Variants in ESPNL observed in about 807,000 individuals in gnomAD.
The protein encoded by ESPNL is espin like.
A neutral mutation model predicts 46.8 loss-of-function variants in ESPNL; 49 were observed. The ratio of observed to expected loss-of-function variants is 1.05; its 90% CI spans 0.83 to 1.33. ESPNL has a LOEUF of 1.33. Ranked by LOEUF, ESPNL falls within the 40% of genes most tolerant of loss-of-function variation. The pLI is 0.00. For synonymous variants in ESPNL, 664 were observed against 662.1 expected, an observed-to-expected ratio of 1.00 and a Z score of -0.04; for missense variants, 1,540 against 1,436.6, an observed-to-expected ratio of 1.07 and a Z score of -1.16.
At position 238,101,992 on chromosome 2, in the gene ESPNL, C is replaced by T. The variant is rs1238941610; in HGVS notation, c.346C>T (p.His116Tyr). The change falls in exon 2 of 9, where the codon CAC becomes TAC. Residue 116 changes from histidine to tyrosine, a missense_variant. By Grantham distance (83) the His-to-Tyr change is moderately conservative. Coordinates refer to ENST00000343063, the MANE Select transcript of ESPNL (RefSeq NM_194312.4). ...GCTGCACCTGGCCGCCCGTTTTGGA[C>T]ACCCAGTGCTGGTGGAGTGGCTGCT... ...SPLHLAARFG[H>Y]PVLVEWLLHE... is the part of the protein sequence containing the mutation. 1 of 1,610,594 alleles carries T rather than the reference C, an allele frequency of 6.2e-7. No homozygotes were observed. Among genetic ancestry groups the T allele is most frequent in the South Asian group, 1.1e-5 (1 of 90,916 alleles).
intron 4 of ESPNL, among the ~76,000 whole-genome samples, 189 bp downstream of exon 4, chr2:238,108,162 G>C (rs1038790671): frequency 3.3e-5 from 5 of 152,202 alleles, no homozygotes; most frequent in Admixed American, 6.5e-5. Flanking sequence ...CAAGATCCAA[G>C]CTCTATGCTC....
chr2:238,109,813 A>G (rs55640315), intron 4 of ESPNL, among the ~76,000 whole-genome samples: 2 of 149,768 alleles, frequency 1.3e-5, no homozygotes, highest in Non-Finnish European at 1.5e-5. Context: ...CCCATTTAGG[A>G]TGCCATACGT....
intron 5 of ESPNL, among the ~76,000 whole-genome samples, chr2:238,117,312 A>G (rs1300151080): frequency 6.6e-6 from 1 of 151,934 alleles, no homozygotes; most frequent in African/African-American, 2.4e-5. Flanking sequence ...GGGCTGTAAC[A>G]GGGGTCAGGA....
At position 238,100,565 on chromosome 2, in the gene ESPNL, T is replaced by A. The variant is rs750081454; in HGVS notation, c.146T>A (p.Leu49Gln). Reference protein sequence around the residue: ...LVHHATRAGHLDCVKFLVQRA... With the variant: ...LVHHATRAGHQDCVKFLVQRA... ...CACCACGCCACCCGGGCTGGCCACCTGGACTGCGTCAAGTTCTTGGTGCAG... is the reference window on the plus strand; with the variant it reads ...CACCACGCCACCCGGGCTGGCCACCAGGACTGCGTCAAGTTCTTGGTGCAG... Residue 49 changes from leucine to glutamine, a missense_variant, in exon 1 of 9, where the codon CTG (leucine) becomes CAG (glutamine). Leu to Gln is a moderately radical substitution (Grantham distance 113). Transcript: ENST00000343063. 6.3e-7 allele frequency: 1 copy of A among 1,585,878 alleles called. No homozygotes were observed. Among genetic ancestry groups the A allele is most frequent in the Non-Finnish European group, 8.6e-7 (1 of 1,168,556 alleles).
rs56084523 is a variant in ESPNL at position 238,125,811 on chromosome 2, A to AGTGG, written c.1102+427_1102+428insGTGG. The stretch of plus-strand genomic sequence containing the variant: ...AGTGGAGTGGAGTGGAGTGGAGTGG[A>AGTGG]ATGGAATTATCAACAGGTGCCACAG... On this transcript the variant is annotated intron_variant, in intron 6 of 8. Coordinates refer to ENST00000343063, the MANE Select transcript of ESPNL (RefSeq NM_194312.4). Among the ~76,000 whole-genome samples, 33 of 152,036 alleles carry AGTGG rather than the reference A, an allele frequency of 2.2e-4. 1 individual carries two copies. The highest frequency in any genetic ancestry group is 4.8e-4 in the African/African-American group (20 of 41,440).
intron 4 of ESPNL, among the ~76,000 whole-genome samples, chr2:238,108,188 TCCTC>T (rs1455843127): frequency 6.6e-6 from 1 of 152,032 alleles, no homozygotes; most frequent in Non-Finnish European, 1.5e-5. Context: ...CTGCGTACCA[TCCTC>T]CCTCCCTTCG....
chr2:238,116,841 C>T (rs981395548), intron 4 of ESPNL, 62 bp from the exon 5 acceptor site: 1 of 1,586,978 alleles, frequency 6.3e-7, no homozygotes, highest in Non-Finnish European at 8.6e-7. Flanking sequence ...CCGCACAGGG[C>T]CAGTCCCATG....
chr2:238,104,709 A>G lies in ESPNL; in HGVS notation c.539A>G (p.Gln180Arg), dbSNP rs2106464472. ...GCCTCCCCACTCTACCTGGCCTGCC[A>G]GGAGGGCCACCTGCACCTGGCCCAG... ...SGASPLYLAC[Q>R]EGHLHLAQFL... Residue 180 changes from glutamine (Q) to arginine (R), a missense_variant, in exon 3 of 9, where the codon CAG becomes CGG. Gln to Arg is a conservative substitution (Grantham distance 43). Coordinates refer to ENST00000343063, the MANE Select transcript of ESPNL (RefSeq NM_194312.4). The G allele has an allele frequency of 6.2e-7, 1 of 1,607,672 alleles. No individual in the cohort carries two copies. The highest frequency in any genetic ancestry group is 8.5e-7 in the Non-Finnish European group (1 of 1,178,134).
chr2:238,124,891 G>A (rs1365441665), intron 5 of ESPNL, among the ~76,000 whole-genome samples: 1 of 152,162 alleles, frequency 6.6e-6, no homozygotes, highest in Non-Finnish European at 1.5e-5. Context: ...GTGTGCACAT[G>A]TCTTTGTGAG....
At chr2:238,120,523 G>A (rs1336599241) in intron 5 of ESPNL, among the ~76,000 whole-genome samples, 1 of 152,258 alleles carries the variant, frequency 6.6e-6, no homozygotes, top group Admixed American at 6.5e-5. Context: ...GTGGAGGACG[G>A]GTCGTGTTAG....
At chr2:238,108,069 A>T in intron 4 of ESPNL, 96 bp downstream of exon 4, 1 of 1,178,054 alleles carries the variant, frequency 8.5e-7, no homozygotes, top group Non-Finnish European at 1.2e-6. Context: ...TGTAAGAGTG[A>T]TGACCCTCTT....
In ESPNL at chr2:238,131,246, C is replaced by T. The variant is rs1294443468; in HGVS notation, c.2532C>T (p.Asp844=). The change falls in exon 9 of 9, where the codon GAC becomes GAT. Residue 844 remains aspartate (D), a synonymous_variant. Transcript: ENST00000343063. ...LSPEQFLPHV[D]GAPVPYSSLS... ...CCGAGCAGTTCCTGCCCCACGTGGA[C>T]GGGGCTCCGGTGCCCTACAGCAGCC... 14 of 1,567,188 alleles carry T rather than the reference C, an allele frequency of 8.9e-6. No individual in the cohort carries two copies. Among genetic ancestry groups the T allele is most frequent in the South Asian group, 2.3e-5 (2 of 85,736 alleles).
chr2:238,115,446 G>A (rs1316061788), intron 4 of ESPNL, among the ~76,000 whole-genome samples: 1 of 152,242 alleles, frequency 6.6e-6, no homozygotes, highest in Non-Finnish European at 1.5e-5. Flanking sequence ...AGCTGGCCAA[G>A]TTCTCTGACC....
At chr2:238,119,403 AG>A (rs1192417763) in intron 5 of ESPNL, among the ~76,000 whole-genome samples, 2 of 96,766 alleles carry the variant, frequency 2.1e-5, no homozygotes, top group Admixed American at 9.5e-5. Context: ...AGGTGGATGG[AG>A]GAGGTGGATG....
rs1692377973 is a variant in ESPNL at position 238,133,045 on chromosome 2, C to G, written c.*1313C>G. On this transcript the variant is annotated 3_prime_UTR_variant, in exon 9 of 9. Coordinates refer to ENST00000343063, the MANE Select transcript of ESPNL (RefSeq NM_194312.4). ...GGATGGAACAGAGAGACCCTCGCAG[C>G]TGACTAGGGCCCAAGGGGACGGACA... 2 of 152,194 alleles carry G rather than the reference C, an allele frequency of 1.3e-5. No individual in the cohort carries two copies. Among genetic ancestry groups the G allele is most frequent in the Admixed American group, 6.5e-5 (1 of 15,286 alleles). The allele number at this position is 152,194 out of a possible 1,614,324, so 9.4% of individuals were successfully genotyped here. A position where few individuals can be genotyped will look rare whatever the true frequency, so the allele number is the denominator to read the frequency against.
intron 2 of ESPNL, among the ~76,000 whole-genome samples, chr2:238,103,021 T>C (rs1691521658): frequency 6.6e-6 from 1 of 152,240 alleles, no homozygotes; most frequent in Admixed American, 6.5e-5. Flanking sequence ...GCCTTTGGGA[T>C]TCGCTTCTGT....
Position 238,130,658 on chromosome 2 carries a change from G to T in ESPNL, c.1944G>T (p.Trp648Cys). 6.4e-7 allele frequency: 1 copy of T among 1,561,564 alleles called. No individual in the cohort carries two copies. The highest frequency in any genetic ancestry group is 2.4e-5 in the East Asian group (1 of 42,072). ...AGGCCCAGCGCCAGATCCAGGAGTG[G>T]GGGGTGTCTGTGCGGACGCTGCGGG... ...RSEAQRQIQE[W>C]GVSVRTLRGN... The change falls in exon 9 of 9, where the codon TGG becomes TGT. Residue 648 changes from tryptophan (W) to cysteine (C), a missense_variant. Transcript: ENST00000343063.
intron 6 of ESPNL, among the ~76,000 whole-genome samples, chr2:238,126,898 T>A (rs1403987628): frequency 6.6e-6 from 1 of 151,878 alleles, no homozygotes; most frequent in African/African-American, 2.4e-5. Context: ...TGTGATTGTG[T>A]GATTGTGTGT....
chr2:238,107,365 C>T (rs541576993), intron 3 of ESPNL, among the ~76,000 whole-genome samples: 1 of 152,330 alleles, frequency 6.6e-6, no homozygotes, highest in East Asian at 1.9e-4. Context: ...GGACCCGCTG[C>T]TCCAGCAAAG....
Sources: gnomAD v4.1 joint callset for allele counts (sites outside exome capture counted in the v4.1 genomes callset) on GRCh38, gnomAD v4.1.1 for gene constraint, MANE v1.5 for transcripts, NCBI Gene and HGNC (gene_info 2026-07-23, HGNC 2026-07-21) for gene names.